The following GDE1 variants were observed in gnomAD, a reference collection of about 807,000 sequenced individuals.
The protein encoded by GDE1 is RGS16-interacting membrane protein.
GDE1 carries 24 observed loss-of-function variants against 32.2 expected under a neutral mutation model. The ratio of observed to expected loss-of-function variants is 0.75; its 90% CI spans 0.54 to 1.05. The LOEUF (loss-of-function observed/expected upper bound fraction) is 1.05. GDE1 is among the 50% of genes least tolerant of loss of function. The pLI is 0.00. For synonymous variants in GDE1, 159 were observed against 158.6 expected (o/e 1.00, Z -0.02); for missense variants, 380 against 415.0 (o/e 0.92, Z 0.73).
intron 4 of GDE1, 75 bp from the exon 5 acceptor site, chr16:19,505,167 T>C (rs1969231224): frequency 9.7e-7 from 1 of 1,033,752 alleles, no homozygotes; most frequent in South Asian, 1.3e-5. Context: ...ATTTAGCCAA[T>C]GTGCTCAATC....
At chr16:19,516,985 A>G (rs193069621) in intron 2 of GDE1, 29 bp downstream of exon 2, 23 of 1,590,968 alleles carry the variant, frequency 1.4e-5, no homozygotes, top group Middle Eastern at 3.3e-4. Context: ...AAGCTAAAAG[A>G]TCTGTTTAAG....
chr16:19,503,453 C>T lies in GDE1; in HGVS notation c.*17G>A, dbSNP rs1044644814. The stretch of plus-strand genomic sequence containing the variant: ...CCCCTGGCAGTTTCTGAACCCGTTT[C>T]GTCCCACCGTGAAAGTCTAGAAGTG... On this transcript the variant is annotated 3_prime_UTR_variant, in exon 6 of 6. Coordinates refer to ENST00000353258, the MANE Select transcript of GDE1 (RefSeq NM_016641.4). 16 of 1,611,120 alleles carry T rather than the reference C, an allele frequency of 9.9e-6. No individual in the cohort carries two copies. The highest frequency in any genetic ancestry group is 1.3e-5 in the Non-Finnish European group (15 of 1,178,158).
In GDE1 at chr16:19,517,112, A is replaced by G. The variant is rs184586691; in HGVS notation, c.339T>C (p.Asp113=). The G allele has an allele frequency of 8.7e-6, 14 of 1,613,896 alleles. No individual in the cohort carries two copies. In the East Asian group the frequency reaches 2.2e-4, roughly 26 times the overall value. Residue 113 remains aspartate (D), a synonymous_variant, in exon 2 of 6, where the codon GAT becomes GAC. Coordinates refer to ENST00000353258, the MANE Select transcript of GDE1 (RefSeq NM_016641.4). ...CATCAGTCGTCCTATCTACTGTGTT[A>G]TCGTGCATTAAGACAGGAATCCCGT... ...TSDGIPVLMH[D]NTVDRTTDGT...
intron 3 of GDE1, among the ~76,000 whole-genome samples, chr16:19,508,189 A>G (rs558948199): frequency 2.4e-4 from 36 of 152,256 alleles, no homozygotes; most frequent in African/African-American, 8.4e-4. Flanking sequence ...CAGTCTGGGA[A>G]CTACAGAGGA....
chr16:19,505,176 T>TCTAAA, intron 4 of GDE1, 84 bp from the exon 5 acceptor site: 1 of 922,550 alleles, frequency 1.1e-6, no homozygotes, highest in Non-Finnish European at 1.8e-6. Flanking sequence ...ATGTGCTCAA[T>TCTAAA]CAGATGAGGT....
rs1167931263 is a variant in GDE1, at chr16:19,510,825, A to G, written c.543+14T>C. The G allele has an allele frequency of 7.7e-7, 1 of 1,304,664 alleles. No individual in the cohort carries two copies. Among genetic ancestry groups the G allele is most frequent in the Admixed American group, 2.2e-5 (1 of 45,428 alleles). 80.8% of individuals were successfully genotyped at this position (1,304,664 alleles called of 1,614,324 possible). The stretch of plus-strand genomic sequence containing the variant: ...GTCTTTTTAACAAAGTGAAGTCCAC[A>G]ATTTAAACTGTACCTTGTGTGCATG... On this transcript the variant is annotated intron_variant, in intron 3 of 5. Coordinates refer to ENST00000353258, the MANE Select transcript of GDE1 (RefSeq NM_016641.4).
intron 4 of GDE1, among the ~76,000 whole-genome samples, chr16:19,506,430 A>T (rs1486646266): frequency 6.6e-6 from 1 of 152,120 alleles, no homozygotes; most frequent in Non-Finnish European, 1.5e-5. Context: ...CAGGCAGATC[A>T]CCTGAGGTCA....
At chr16:19,505,451 G>A (rs1969234933) in intron 4 of GDE1, among the ~76,000 whole-genome samples, 1 of 152,138 alleles carries the variant, frequency 6.6e-6, no homozygotes, top group Non-Finnish European at 1.5e-5. Flanking sequence ...AACTCAATGA[G>A]GAGGGAACCA....
At chr16:19,517,314 C>T (rs1381816156) in intron 1 of GDE1, 125 bp from the exon 2 acceptor site, 4 of 709,576 alleles carry the variant, frequency 5.6e-6, no homozygotes, top group Non-Finnish European at 7.3e-6. Flanking sequence ...CCTTCCACTT[C>T]CCCCACCAAA....
At position 19,504,881 on chromosome 16, in the gene GDE1, G is replaced by C; in HGVS notation, c.848C>G (p.Pro283Arg). 6.3e-7 allele frequency: 1 copy of C among 1,593,620 alleles called. No homozygotes were observed. The highest frequency in any genetic ancestry group is 2.2e-5 in the East Asian group (1 of 44,728). Residue 283 changes from proline to arginine, a missense_variant and splice_region_variant, in exon 5 of 6, where the codon CCG (proline) becomes CGG (arginine). By Grantham distance (103) the Pro-to-Arg change is moderately radical. Coordinates refer to ENST00000353258, the MANE Select transcript of GDE1 (RefSeq NM_016641.4). ...TAAAATAAAAAACCTTCCAACTTAC[G>C]GGGATACAAAATCCTTTTGCATGAG... Reference protein sequence around the residue: ...AFLMQKDFVSPAYLKKWSAKG... With the variant: ...AFLMQKDFVSRAYLKKWSAKG...
chr16:19,504,801 GTCTAC>G, intron 5 of GDE1, 75 bp downstream of exon 5: 1 of 891,554 alleles, frequency 1.1e-6, no homozygotes, highest in Non-Finnish European at 1.8e-6. Context: ...AATTCAGGTT[GTCTAC>G]TCTGTTAATC....
At chr16:19,506,706 C>G (rs1388179731) in intron 4 of GDE1, among the ~76,000 whole-genome samples, 4 of 152,136 alleles carry the variant, frequency 2.6e-5, no homozygotes, top group African/African-American at 9.7e-5. Context: ...TTCGAATGAG[C>G]AATTTATGAA....
chr16:19,517,196 A>G lies in GDE1; in HGVS notation c.262-7T>C. On this transcript the variant is annotated splice_polypyrimidine_tract_variant and splice_region_variant and intron_variant, in intron 1 of 5. Coordinates refer to ENST00000353258, the MANE Select transcript of GDE1 (RefSeq NM_016641.4). ...TTGCTCCATTCTTAGCTGCCTTAAC[A>G]AAAACATCAAGAATATTACTGTCAA... is the stretch of plus-strand genomic sequence containing the variant. The G allele has an allele frequency of 6.2e-7, 1 of 1,609,382 alleles. No homozygotes were observed. The highest frequency in any genetic ancestry group is 8.5e-7 in the Non-Finnish European group (1 of 1,175,920).
intron 2 of GDE1, among the ~76,000 whole-genome samples, chr16:19,512,929 G>T (rs951382464): frequency 9.3e-6 from 1 of 108,100 alleles, no homozygotes; most frequent in Non-Finnish European, 2.1e-5. Flanking sequence ...TATCTGTTTT[G>T]TGTGTGTGTG....
In GDE1 at chr16:19,507,703, G is replaced by A; in HGVS notation, c.620C>T (p.Pro207Leu). 1 of 1,561,056 alleles carries A rather than the reference G, an allele frequency of 6.4e-7. No individual in the cohort carries two copies. The highest frequency in any genetic ancestry group is 1.1e-5 in the South Asian group (1 of 89,988). ...GAATGTTACCTTGTAGATAACTTCT[G>A]GCAAGAAAGAACAGACCACACTATT... ...YNNSVVCSFLPEVIYKMRQTD... is the reference protein window; with the variant it reads ...YNNSVVCSFLLEVIYKMRQTD... The change falls in exon 4 of 6, where the codon CCA becomes CTA. Residue 207 changes from proline (P) to leucine (L), a missense_variant. By Grantham distance (98) the Pro-to-Leu change is moderately conservative (BLOSUM62 -3). Coordinates refer to ENST00000353258, the MANE Select transcript of GDE1 (RefSeq NM_016641.4).
At chr16:19,507,915 T>C (rs1969269559) in intron 3 of GDE1, 136 bp from the exon 4 acceptor site, 2 of 579,984 alleles carry the variant, frequency 3.4e-6, no homozygotes, top group Non-Finnish European at 6.2e-6. Context: ...ACTGAAAGTA[T>C]TGGTAGAGTC....
At chr16:19,508,326 C>T (rs1004681192) in intron 3 of GDE1, among the ~76,000 whole-genome samples, 4 of 152,106 alleles carry the variant, frequency 2.6e-5, no homozygotes, top group Non-Finnish European at 5.9e-5. Flanking sequence ...CCAAGGTGAA[C>T]AGAAGTTTCT....
chr16:19,517,020 C>A lies in GDE1; in HGVS notation c.431G>T (p.Arg144Ile), dbSNP rs766253528. 6.2e-7 allele frequency: 1 copy of A among 1,613,808 alleles called. No homozygotes were observed. The highest frequency in any genetic ancestry group is 8.5e-7 in the Non-Finnish European group (1 of 1,179,702). Residue 144 changes from arginine to isoleucine, a missense_variant, in exon 2 of 6, where the codon AGA becomes ATA. Arg to Ile is a moderately conservative substitution (Grantham distance 97, BLOSUM62 -3). Transcript: ENST00000353258. ...IRKLNPAANH[R>I]LRNDFPDEKI... is the part of the protein sequence containing the mutation. ...GTGACAATAAACTACTTACCTGAGT[C>A]TGTGGTTTGCTGCAGGATTCAGCTT... is the stretch of plus-strand genomic sequence containing the variant.
intron 1 of GDE1, among the ~76,000 whole-genome samples, chr16:19,519,061 A>G (rs1475133731): frequency 6.6e-6 from 1 of 152,190 alleles, no homozygotes; most frequent in African/African-American, 2.4e-5. Flanking sequence ...CTTGGTCCCC[A>G]AGACTGCACC....
Sources: allele counts gnomAD v4.1 joint callset (sites outside exome capture counted in the v4.1 genomes callset), GRCh38; gene constraint gnomAD v4.1.1; transcripts MANE v1.5; gene names NCBI Gene and HGNC (gene_info 2026-07-23, HGNC 2026-07-21).